AXDND1: variants seen among roughly 807,000 people sequenced by gnomAD.
AXDND1 encodes axonemal dynein light chain domain containing 1.
A neutral mutation model predicts 137.5 loss-of-function variants in AXDND1; 110 were observed. The observed-to-expected ratio is 0.80, with a 90% CI of 0.69 to 0.94. The LOEUF (loss-of-function observed/expected upper bound fraction) is 0.94. AXDND1 is among the 40% of genes least tolerant of loss of function. The pLI is 0.00. For missense variants in AXDND1, 1,191 were observed against 1,169.8 expected, an observed-to-expected ratio of 1.02 and a Z score of -0.26; for synonymous variants, 414 against 399.7, an observed-to-expected ratio of 1.04 and a Z score of -0.43.
chr1:179,378,448 G>A (rs1423750905), intron 4 of AXDND1, among the ~76,000 whole-genome samples, 189 bp from the exon 5 acceptor site: 1 of 152,150 alleles, frequency 6.6e-6, no homozygotes, highest in Non-Finnish European at 1.5e-5. Context: ...TTCAGGTGGA[G>A]AAGAGAAAGA....
At chr1:179,395,713 G>C (rs186081585) in intron 11 of AXDND1, among the ~76,000 whole-genome samples, 7 of 152,146 alleles carry the variant, frequency 4.6e-5, no homozygotes, top group South Asian at 4.2e-4. Context: ...TCTTATAATG[G>C]TTGCTTTTAA....
chr1:179,445,313 T>A, intron 16 of AXDND1, 109 bp downstream of exon 16: 2 of 848,564 alleles, frequency 2.4e-6, no homozygotes, highest in Non-Finnish European at 3.4e-6. Context: ...CATATAGTTT[T>A]AAAAACCAAG....
At chr1:179,416,178 A>G (rs966302767) in intron 12 of AXDND1, among the ~76,000 whole-genome samples, 1 of 152,170 alleles carries the variant, frequency 6.6e-6, no homozygotes, top group African/African-American at 2.4e-5. Context: ...ACATGTGGAT[A>G]CTTGCAATCT....
At chr1:179,505,644 T>C (rs1425222246) in intron 20 of AXDND1, among the ~76,000 whole-genome samples, 1 of 145,468 alleles carries the variant, frequency 6.9e-6, no homozygotes, top group East Asian at 2.0e-4. Flanking sequence ...CGAAACTCCA[T>C]CTCAAAAAAA....
chr1:179,526,054 C>T (rs547422522), intron 22 of AXDND1, among the ~76,000 whole-genome samples: 4 of 152,196 alleles, frequency 2.6e-5, no homozygotes, highest in African/African-American at 9.6e-5. Flanking sequence ...CAATCTACTT[C>T]TCACTCTGGT....
chr1:179,413,284 G>T (rs925535897), intron 12 of AXDND1, among the ~76,000 whole-genome samples: 1 of 152,010 alleles, frequency 6.6e-6, no homozygotes, highest in Non-Finnish European at 1.5e-5. Context: ...ACGTGTGCAG[G>T]ATAGCTACAT....
chr1:179,368,392 G>GA (rs1199426228), intron 2 of AXDND1, among the ~76,000 whole-genome samples: 1 of 152,090 alleles, frequency 6.6e-6, no homozygotes, highest in African/African-American at 2.4e-5. Context: ...ATTCATGTAA[G>GA]AAAAAAATTA....
In AXDND1 at chr1:179,411,284, C is replaced by T; in HGVS notation, c.1230+18C>T. ...CCCTGAAGGTTAGTTCATCTGGATT[C>T]ACAACTCACACTTCTTTTTTGGCTA... is the stretch of plus-strand genomic sequence containing the variant. On this transcript the variant is annotated intron_variant, in intron 12 of 25. Transcript: ENST00000367618. The T allele has an allele frequency of 6.2e-7, 1 of 1,600,308 alleles. No individual in the cohort carries two copies. The highest frequency in any genetic ancestry group is 8.5e-7 in the Non-Finnish European group (1 of 1,176,680).
chr1:179,501,901 T>A (rs1034430741), intron 20 of AXDND1, among the ~76,000 whole-genome samples: 12 of 151,832 alleles, frequency 7.9e-5, no homozygotes, highest in African/African-American at 2.7e-4. Flanking sequence ...GGTAGGAAAA[T>A]TTTTTTTAAG....
At chr1:179,383,364 C>A in intron 7 of AXDND1, 78 bp from the exon 8 acceptor site, 1 of 1,028,206 alleles carries the variant, frequency 9.7e-7, no homozygotes, top group Non-Finnish European at 1.5e-6. Flanking sequence ...TCTCTTTACA[C>A]ATATTATATT....
At chr1:179,492,310 A>G (rs1666997616) in intron 19 of AXDND1, among the ~76,000 whole-genome samples, 2 of 152,008 alleles carry the variant, frequency 1.3e-5, no homozygotes, top group South Asian at 4.1e-4. Flanking sequence ...CCTGATCTCA[A>G]GTGATCTGCC....
In AXDND1 at chr1:179,491,227, C is replaced by T. The variant is rs377498588; in HGVS notation, c.2092-311C>T. Among the ~76,000 whole-genome samples, 3 of 152,062 alleles carry T rather than the reference C, an allele frequency of 2.0e-5. No individual in the cohort carries two copies. In the East Asian group the frequency reaches 5.8e-4, roughly 29 times the overall value. ...TCAGGAGGTTAAGATGGATGGATCA[C>T]CTGAGCCTGGGGAGGTCAAGGTTGC... On this transcript the variant is annotated intron_variant, in intron 18 of 25. Transcript: ENST00000367618.
Position 179,444,850 on chromosome 1 carries a change from TA to T in AXDND1, c.1564-118del, listed in dbSNP as rs1215144853. ...CATATACCATCTCTTTGGAGCATAA[TA>T]ATAATAGGATATGCAACTCCAAAAT... is the stretch of plus-strand genomic sequence containing the variant. On this transcript the variant is annotated intron_variant, in intron 15 of 25. Coordinates refer to ENST00000367618, the MANE Select transcript of AXDND1 (RefSeq NM_144696.6). The T allele has an allele frequency of 3.3e-5, 20 of 605,516 alleles. No individual in the cohort carries two copies. The African/African-American group carries it at 3.5e-4, about 11-fold the overall frequency. The allele number at this position is 605,516 out of a possible 1,614,324, so 37.5% of individuals were successfully genotyped here.
At chr1:179,412,050 T>C (rs1388585519) in intron 12 of AXDND1, among the ~76,000 whole-genome samples, 4 of 152,086 alleles carry the variant, frequency 2.6e-5, no homozygotes, top group African/African-American at 9.7e-5. Flanking sequence ...GGGATTTCTC[T>C]ATGTTGCCCT....
chr1:179,523,562 A>G (rs1558301563), intron 21 of AXDND1, among the ~76,000 whole-genome samples: 3 of 152,150 alleles, frequency 2.0e-5, no homozygotes, highest in Non-Finnish European at 2.9e-5. Flanking sequence ...CAGGCCCTGG[A>G]AACACCACAC....
intron 25 of AXDND1, chr1:179,551,573 T>G (rs1673290738): frequency 1.8e-6 from 2 of 1,107,510 alleles, no homozygotes. Context: ...CGGTTAAGCA[T>G]AGAACATGTT....
intron 11 of AXDND1, among the ~76,000 whole-genome samples, chr1:179,395,923 C>T (rs1186520150): frequency 6.6e-6 from 1 of 152,102 alleles, no homozygotes; most frequent in Non-Finnish European, 1.5e-5. Flanking sequence ...AATCCCAGCA[C>T]TTTGGGAGGC....
intron 7 of AXDND1, 144 bp downstream of exon 7, chr1:179,382,900 G>A (rs1354392749): frequency 3.7e-6 from 2 of 539,766 alleles, no homozygotes; most frequent in African/African-American, 3.9e-5. Context: ...CATCTAATCA[G>A]TGTTTTCGTT....
intron 11 of AXDND1, among the ~76,000 whole-genome samples, chr1:179,398,940 A>G (rs1447073659): frequency 1.3e-5 from 2 of 152,146 alleles, no homozygotes; most frequent in Non-Finnish European, 2.9e-5. Context: ...GTATGCACAC[A>G]TGCATGCTGG....
Sources: allele counts gnomAD v4.1 joint callset (sites outside exome capture counted in the v4.1 genomes callset), GRCh38; gene constraint gnomAD v4.1.1; transcripts MANE v1.5; gene names NCBI Gene and HGNC (gene_info 2026-07-23, HGNC 2026-07-21).